The following RYR3 variants were observed in gnomAD, a reference collection of about 807,000 sequenced individuals.
RYR3 encodes the protein brain ryanodine receptor-calcium release channel.
A neutral mutation model predicts 584.3 loss-of-function variants in RYR3; 207 were observed. The observed-to-expected ratio is 0.35, with a 90% CI of 0.32 to 0.40. The LOEUF (loss-of-function observed/expected upper bound fraction) is 0.40, where lower values mean the gene tolerates loss of function less well. RYR3 is among the 10% of genes least tolerant of loss of function. The probability of loss-of-function intolerance (pLI) is 1.00; values close to 1 mark genes in which losing one functional copy is unlikely to be tolerated. For missense variants in RYR3, 5,616 were observed against 6,089.2 expected (o/e 0.92, Z 2.59); for synonymous variants, 2,416 against 2,248.5 (o/e 1.07, Z -2.11).
intron 3 of RYR3, among the ~76,000 whole-genome samples, chr15:33,511,554 C>T (rs1278747425): frequency 6.6e-6 from 1 of 151,790 alleles, no homozygotes; most frequent in Non-Finnish European, 1.5e-5. Context: ...ATGAACTGGG[C>T]CTTTCACTTG....
intron 22 of RYR3, among the ~76,000 whole-genome samples, chr15:33,630,303 C>CAAGT (rs2061201528): frequency 6.6e-6 from 1 of 152,072 alleles, no homozygotes; most frequent in Admixed American, 6.5e-5. Flanking sequence ...ATCAAAGGAC[C>CAAGT]AAGTACCTCC....
chr15:33,851,003 T>C (rs1163536181), intron 94 of RYR3: 2 of 152,258 alleles, frequency 1.3e-5, no homozygotes, highest in African/African-American at 2.4e-5. Context: ...AATTATACTA[T>C]ATACATTATA....
Position 33,827,156 on chromosome 15 carries a change from G to A in RYR3, c.11246-43G>A, listed in dbSNP as rs374082559. 129 of 1,494,724 alleles carry A rather than the reference G, an allele frequency of 8.6e-5. 1 individual carries two copies. The African/African-American group carries it at 1.0e-3, about 12-fold the overall frequency. 92.6% of individuals were successfully genotyped at this position (1,494,724 alleles called of 1,614,324 possible). ...CTGAGAGGGCATGCTTGGCCCCCTCGGCATGGCAGGGACAAGCTCTGACCC... is the reference window on the plus strand; with the variant it reads ...CTGAGAGGGCATGCTTGGCCCCCTCAGCATGGCAGGGACAAGCTCTGACCC... On this transcript the variant is annotated intron_variant, in intron 84 of 103. Transcript: ENST00000634891.
chr15:33,730,897 A>G (rs1023723033), intron 47 of RYR3, among the ~76,000 whole-genome samples: 4 of 152,206 alleles, frequency 2.6e-5, no homozygotes, highest in Non-Finnish European at 4.4e-5. Flanking sequence ...GTCTACTCTA[A>G]TGTCAGTATT....
In RYR3 at chr15:33,662,539, C is replaced by T. The variant is rs752187815; in HGVS notation, c.5009C>T (p.Pro1670Leu). ...CLKPGFRFST[P>L]CFVVTGEDHQ... Reference sequence around the variant, plus strand: ...AAGCCCGGGTTCAGGTTCTCCACCCCTTGCTTTGTTGTGACTGGTGAGGAT... The same window carrying T: ...AAGCCCGGGTTCAGGTTCTCCACCCTTTGCTTTGTTGTGACTGGTGAGGAT... The change falls in exon 35 of 104, where the codon CCT becomes CTT. Residue 1670 changes from proline to leucine, a missense_variant. By Grantham distance (98) the Pro-to-Leu change is moderately conservative. Around this residue, in one of 9 missense-constraint regions of RYR3, gnomAD observed 753 missense variants for 741.0 expected, o/e 1.02. Transcript: ENST00000634891. The T allele has an allele frequency of 1.9e-6, 3 of 1,614,042 alleles. No homozygotes were observed. The highest frequency in any genetic ancestry group is 8.5e-7 in the Non-Finnish European group (1 of 1,179,902).
chr15:33,404,160 G>T (rs925706172), intron 1 of RYR3, among the ~76,000 whole-genome samples: 3 of 152,150 alleles, frequency 2.0e-5, no homozygotes, highest in African/African-American at 7.2e-5. Context: ...ATGATGACAG[G>T]ATGTAAAATC....
At chr15:33,834,006 G>T (rs187630585) in intron 86 of RYR3, among the ~76,000 whole-genome samples, 15 of 152,246 alleles carry the variant, frequency 9.9e-5, no homozygotes, top group Admixed American at 5.2e-4. Context: ...TATTGACCGC[G>T]CACTGTGGCT....
intron 6 of RYR3, 116 bp downstream of exon 6, chr15:33,539,578 A>G: frequency 1.6e-6 from 1 of 635,682 alleles, no homozygotes; most frequent in South Asian, 1.9e-5. Context: ...TTTTACATAT[A>G]TAGAGTTGAC....
Position 33,758,834 on chromosome 15 carries a change from G to A in RYR3, c.8705+1238G>A, listed in dbSNP as rs1025737012. Among the ~76,000 whole-genome samples, 8 of 152,302 alleles carry A rather than the reference G, an allele frequency of 5.3e-5. No individual in the cohort carries two copies. In the East Asian group the frequency reaches 7.7e-4, roughly 15 times the overall value. Reference sequence around the variant, plus strand: ...CTCCTCAAGTGGGTCCCTGAGCCCCGTGCCTCCTGATGGGGAGAAACCTCC... The same window carrying A: ...CTCCTCAAGTGGGTCCCTGAGCCCCATGCCTCCTGATGGGGAGAAACCTCC... On this transcript the variant is annotated intron_variant, in intron 60 of 103. Transcript: ENST00000634891.
At chr15:33,549,782 C>T (rs993577509) in intron 9 of RYR3, among the ~76,000 whole-genome samples, 6 of 152,188 alleles carry the variant, frequency 3.9e-5, no homozygotes, top group Non-Finnish European at 8.8e-5. Context: ...CGTTTTAGTT[C>T]AGATGGCAGG....
At chr15:33,482,359 A>T (rs1157040431) in intron 2 of RYR3, among the ~76,000 whole-genome samples, 1 of 152,054 alleles carries the variant, frequency 6.6e-6, no homozygotes, top group Admixed American at 6.6e-5. Flanking sequence ...TCCTCTGGAA[A>T]GTTTTAACAT....
intron 1 of RYR3, among the ~76,000 whole-genome samples, chr15:33,462,278 C>G (rs1057329364): frequency 1.2e-4 from 19 of 152,118 alleles, no homozygotes; most frequent in Non-Finnish European, 2.6e-4. Flanking sequence ...TTACTGACAA[C>G]ATGTCAGTAA....
intron 102 of RYR3, among the ~76,000 whole-genome samples, chr15:33,861,484 T>TC (rs1379452982): frequency 6.6e-6 from 1 of 151,840 alleles, no homozygotes; most frequent in Admixed American, 6.6e-5. Context: ...AATATGCTTT[T>TC]TTTTTTTTAA....
At chr15:33,465,869 G>T (rs1448373322) in intron 1 of RYR3, 1 of 492,578 alleles carries the variant, frequency 2.0e-6, no homozygotes, top group Non-Finnish European at 4.1e-6. Context: ...ACCTCAAGAT[G>T]TTTCTCTCTT....
chr15:33,773,384 A>T (rs1394787947), intron 63 of RYR3, 150 bp from the exon 64 acceptor site: 3 of 632,058 alleles, frequency 4.7e-6, no homozygotes, highest in African/African-American at 3.7e-5. Flanking sequence ...GCAAACTGGC[A>T]TCTGGGTAGA....
chr15:33,426,689 C>T (rs1596082988), intron 1 of RYR3, among the ~76,000 whole-genome samples: 2 of 152,254 alleles, frequency 1.3e-5, no homozygotes, highest in Middle Eastern at 6.8e-3. Context: ...AGTGGCAGAA[C>T]CAGGATTGGA....
At chr15:33,525,991 C>T (rs1024287816) in intron 3 of RYR3, among the ~76,000 whole-genome samples, 1 of 152,156 alleles carries the variant, frequency 6.6e-6, no homozygotes, top group Non-Finnish European at 1.5e-5. Flanking sequence ...AGGAATATGA[C>T]CTTCCAAACA....
At chr15:33,356,635 G>A (rs911829705) in intron 1 of RYR3, among the ~76,000 whole-genome samples, 6 of 152,136 alleles carry the variant, frequency 3.9e-5, no homozygotes, top group Non-Finnish European at 1.5e-5. Flanking sequence ...CACATAATAT[G>A]TTTATTTTGA....
chr15:33,732,225 C>CA (rs34543725), intron 48 of RYR3, among the ~76,000 whole-genome samples: 4,487 of 132,866 alleles, frequency 0.034, 76 homozygotes, highest in Middle Eastern at 0.069. Context: ...ACTAAAAATA[C>CA]AAAAAAAAAA....
Sources: gnomAD v4.1 joint callset for allele counts (sites outside exome capture counted in the v4.1 genomes callset) on GRCh38, gnomAD v4.1.1 for gene constraint, gnomAD v4.1.1 regional missense constraint, MANE v1.5 for transcripts, NCBI Gene and HGNC (gene_info 2026-07-23, HGNC 2026-07-21) for gene names.